ATP6V0E1: variants seen among roughly 807,000 people sequenced by gnomAD.
ATP6V0E1 encodes ATPase H+ transporting V0 subunit e1, also known as V-type proton ATPase subunit e 1.
In ATP6V0E1, 4 loss-of-function variants were observed where a neutral mutation model predicts 11.6. That is an observed-to-expected ratio of 0.35 (90% CI 0.17 to 0.79). ATP6V0E1 has a LOEUF of 0.79. ATP6V0E1 is among the 30% of genes least tolerant of loss of function. ATP6V0E1 has a pLI of 0.54. For missense variants in ATP6V0E1, 105 were observed against 100.0 expected, an observed-to-expected ratio of 1.05 and a Z score of -0.21; for synonymous variants, 36 against 34.8, an observed-to-expected ratio of 1.04 and a Z score of -0.13.
intron 1 of ATP6V0E1, among the ~76,000 whole-genome samples, chr5:172,984,335 C>G (rs1348267669): frequency 6.6e-6 from 1 of 152,196 alleles, no homozygotes; most frequent in Non-Finnish European, 1.5e-5. Flanking sequence ...CCACATGAGG[C>G]CTCGTTTGCC....
chr5:173,013,553 C>A lies in ATP6V0E1; in HGVS notation c.153-6685C>A, dbSNP rs1480079157. On this transcript the variant is annotated intron_variant, in intron 2 of 3. Transcript: ENST00000519374. ...TTGCGCCACTGCACTCCAGCCTGGG[C>A]GACAGAGCCAGACTCCATCTCAAAA... Among the ~76,000 whole-genome samples, 3 of 129,316 alleles carry A rather than the reference C, an allele frequency of 2.3e-5. No individual in the cohort carries two copies. In the Admixed American group the frequency reaches 2.7e-4, roughly 12 times the overall value. 84.8% of individuals were successfully genotyped at this position (129,316 alleles called of 152,430 possible).
At chr5:173,034,152 C>T (rs1756705302) in intron 3 of ATP6V0E1, among the ~76,000 whole-genome samples, 1 of 152,240 alleles carries the variant, frequency 6.6e-6, no homozygotes, top group Non-Finnish European at 1.5e-5. Context: ...CTTCATTCTT[C>T]CTGCTTTCTG....
At chr5:173,011,954 G>A (rs1388997106) in intron 2 of ATP6V0E1, among the ~76,000 whole-genome samples, 1 of 152,048 alleles carries the variant, frequency 6.6e-6, no homozygotes, top group Non-Finnish European at 1.5e-5. Context: ...GGTAGTCAGA[G>A]GGGCAGGCAC....
At chr5:172,998,403 T>A (rs1003361115) in intron 2 of ATP6V0E1, among the ~76,000 whole-genome samples, 1 of 151,804 alleles carries the variant, frequency 6.6e-6, no homozygotes, top group Admixed American at 6.6e-5. Context: ...GGTTACAAGT[T>A]CAAGGCCAAC....
In ATP6V0E1 at chr5:173,032,389, G is replaced by A. The variant is rs570524608; in HGVS notation, c.*37-2010G>A. On this transcript the variant is annotated intron_variant, in intron 3 of 3. Transcript: ENST00000519374. ...TGCAACCTCCGCCTCCTGGGTTCAA[G>A]CCATTCTCCTTGCCTTAGCCTCCCA... 5.2e-4 allele frequency among the ~76,000 whole-genome samples: 79 copies of A among 151,744 alleles called. 1 individual carries two copies. In the East Asian group the frequency reaches 0.014, roughly 28 times the overall value.
At chr5:172,988,628 G>A (rs1755933505) in intron 1 of ATP6V0E1, among the ~76,000 whole-genome samples, 1 of 152,120 alleles carries the variant, frequency 6.6e-6, no homozygotes, top group Non-Finnish European at 1.5e-5. Context: ...TTTACCTCTT[G>A]AAAATACTGC....
intron 3 of ATP6V0E1, chr5:173,021,055 G>C: frequency 2.6e-6 from 1 of 391,768 alleles, no homozygotes; most frequent in South Asian, 1.8e-5. Flanking sequence ...TCTGCAGGCT[G>C]TATAAACATG....
At chr5:173,018,401 T>G (rs1029241990) in intron 2 of ATP6V0E1, among the ~76,000 whole-genome samples, 1 of 151,918 alleles carries the variant, frequency 6.6e-6, no homozygotes, top group East Asian at 1.9e-4. Context: ...TCAGGTGTGG[T>G]AGAGGCAGAA....
intron 3 of ATP6V0E1, among the ~76,000 whole-genome samples, chr5:173,031,724 CAGG>C (rs1756657968): frequency 6.8e-6 from 1 of 148,032 alleles, no homozygotes. Context: ...GAGGCTGAGG[CAGG>C]AGAATAGCGT....
At chr5:173,031,632 C>T (rs974921550) in intron 3 of ATP6V0E1, among the ~76,000 whole-genome samples, 1 of 151,136 alleles carries the variant, frequency 6.6e-6, no homozygotes, top group African/African-American at 2.4e-5. Context: ...CCCTGGCTAA[C>T]ACAATGAAAC....
At chr5:173,029,434 T>G (rs565354969) in intron 3 of ATP6V0E1, among the ~76,000 whole-genome samples, 1 of 152,290 alleles carries the variant, frequency 6.6e-6, no homozygotes, top group African/African-American at 2.4e-5. Flanking sequence ...ATTATGTCTC[T>G]TGTGTCCGCC....
At chr5:173,013,018 T>TA (rs1213260028) in intron 2 of ATP6V0E1, among the ~76,000 whole-genome samples, 1 of 151,334 alleles carries the variant, frequency 6.6e-6, no homozygotes, top group Non-Finnish European at 1.5e-5. Flanking sequence ...ACAAAAAATT[T>TA]AAAAAATTAG....
intron 3 of ATP6V0E1, among the ~76,000 whole-genome samples, chr5:173,034,044 C>T (rs1756704131): frequency 6.6e-6 from 1 of 152,174 alleles, no homozygotes; most frequent in Non-Finnish European, 1.5e-5. Flanking sequence ...GCCATGCCTG[C>T]GGAACCTCCC....
In ATP6V0E1 at chr5:173,008,910, CAAA is replaced by C. The variant is rs1164495740; in HGVS notation, c.153-11306_153-11304del. Among the ~76,000 whole-genome samples, 15 of 41,346 alleles carry C rather than the reference CAAA, an allele frequency of 3.6e-4. No homozygotes were observed. In the South Asian group the frequency reaches 4.3e-3, roughly 12 times the overall value. 27.1% of individuals were successfully genotyped at this position (41,346 alleles called of 152,430 possible). ...TGGGTGACAGAGCAAGACTCTGTCT[CAAA>C]AAAAAAAAAAAAAAAAAAAAACTCA... On this transcript the variant is annotated intron_variant, in intron 2 of 3. Transcript: ENST00000519374.
intron 1 of ATP6V0E1, 77 bp downstream of exon 1, chr5:172,984,041 C>G: frequency 1.4e-6 from 2 of 1,396,082 alleles, no homozygotes; most frequent in Admixed American, 3.4e-5. Flanking sequence ...GGCACGACCC[C>G]CACACGGGTC....
At chr5:172,997,929 C>G (rs945992431) in intron 2 of ATP6V0E1, among the ~76,000 whole-genome samples, 1 of 151,940 alleles carries the variant, frequency 6.6e-6, no homozygotes, top group Non-Finnish European at 1.5e-5. Context: ...CCAGCCTGAG[C>G]AACATGTTGA....
chr5:172,995,616 A>G (rs1017539403), intron 2 of ATP6V0E1, among the ~76,000 whole-genome samples: 2 of 151,876 alleles, frequency 1.3e-5, no homozygotes, highest in Non-Finnish European at 2.9e-5. Flanking sequence ...AATCCTAAGG[A>G]TTTCTTTCAA....
intron 2 of ATP6V0E1, among the ~76,000 whole-genome samples, chr5:172,996,574 A>AAAATACATACATACATAC (rs1292001050): frequency 6.6e-6 from 1 of 151,704 alleles, no homozygotes; most frequent in African/African-American, 2.4e-5. Flanking sequence ...AAAAAAAAAA[A>AAAATACATACATACATAC]ATACATACAT....
In ATP6V0E1 at chr5:172,983,844, G is replaced by T. The variant is rs1755839717; in HGVS notation, c.-17G>T. 1 of 1,612,418 alleles carries T rather than the reference G, an allele frequency of 6.2e-7. No individual in the cohort carries two copies. Among genetic ancestry groups the T allele is most frequent in the Non-Finnish European group, 8.5e-7 (1 of 1,178,774 alleles). On this transcript the variant is annotated 5_prime_UTR_variant, in exon 1 of 4. Coordinates refer to ENST00000519374, the MANE Select transcript of ATP6V0E1 (RefSeq NM_003945.4). ...GAGTGAGGCGACGGGGTAGGGGTTG[G>T]CGCTCAGGCGGCGACCATGGCGTAT... is the stretch of plus-strand genomic sequence containing the variant.
Sources: allele counts gnomAD v4.1 joint callset (sites outside exome capture counted in the v4.1 genomes callset), GRCh38; gene constraint gnomAD v4.1.1; transcripts MANE v1.5; gene names NCBI Gene and HGNC (gene_info 2026-07-23, HGNC 2026-07-21).